SPOCK3: variants seen among roughly 807,000 people sequenced by gnomAD.
SPOCK3 encodes the protein SPARC (osteonectin), cwcv and kazal like domains proteoglycan 3.
In SPOCK3, 30 loss-of-function variants were observed where a neutral mutation model predicts 56.6. That is an observed-to-expected ratio of 0.53 (90% CI 0.40 to 0.72). The LOEUF is 0.72. SPOCK3 is among the 30% of genes least tolerant of loss of function. SPOCK3 has a pLI of 0.00. For synonymous variants in SPOCK3, 196 were observed against 183.3 expected, an observed-to-expected ratio of 1.07 and a Z score of -0.56; for missense variants, 527 against 530.0, an observed-to-expected ratio of 0.99 and a Z score of 0.06.
intron 2 of SPOCK3, among the ~76,000 whole-genome samples, chr4:167,091,384 G>A (rs1029024237): frequency 2.0e-5 from 3 of 152,018 alleles, no homozygotes; most frequent in Non-Finnish European, 2.9e-5. Flanking sequence ...ATGGAATTAC[G>A]ACACTACAAA....
At chr4:166,843,398 A>C (rs1747707526) in intron 6 of SPOCK3, among the ~76,000 whole-genome samples, 1 of 152,242 alleles carries the variant, frequency 6.6e-6, no homozygotes, top group African/African-American at 2.4e-5. Flanking sequence ...AGATGCAATT[A>C]AGTCTCTAAT....
intron 2 of SPOCK3, among the ~76,000 whole-genome samples, chr4:167,146,256 G>A (rs1014557003): frequency 1.3e-5 from 2 of 152,002 alleles, no homozygotes; most frequent in Admixed American, 1.3e-4. Context: ...AACAAGAAGA[G>A]GTAATTTTTG....
chr4:166,805,333 C>G (rs2126704367), intron 6 of SPOCK3, among the ~76,000 whole-genome samples: 1 of 152,086 alleles, frequency 6.6e-6, no homozygotes, highest in South Asian at 2.1e-4. Flanking sequence ...TTGTAAATAT[C>G]CAGAAAATAT....
intron 3 of SPOCK3, among the ~76,000 whole-genome samples, chr4:167,029,115 T>C (rs1196193480): frequency 6.6e-6 from 1 of 152,020 alleles, no homozygotes; most frequent in Non-Finnish European, 1.5e-5. Flanking sequence ...TTAACCGCCA[T>C]GAGTCCATGT....
chr4:166,952,435 G>T (rs1261629700), intron 4 of SPOCK3, among the ~76,000 whole-genome samples: 1 of 152,078 alleles, frequency 6.6e-6, no homozygotes, highest in Non-Finnish European at 1.5e-5. Flanking sequence ...AATAAAAGAG[G>T]ATACAAACGA....
chr4:166,916,572 T>C (rs932494950), intron 4 of SPOCK3, among the ~76,000 whole-genome samples: 2 of 152,218 alleles, frequency 1.3e-5, no homozygotes, highest in African/African-American at 4.8e-5. Context: ...CAAAATAATT[T>C]GAACAAAACT....
intron 2 of SPOCK3, among the ~76,000 whole-genome samples, chr4:167,144,080 T>C (rs1223454157): frequency 2.6e-5 from 4 of 152,046 alleles, no homozygotes; most frequent in Non-Finnish European, 5.9e-5. Context: ...CAGAACATTA[T>C]TTGCTACTAC....
At chr4:167,195,789 C>A (rs1732887497) in intron 2 of SPOCK3, among the ~76,000 whole-genome samples, 1 of 152,164 alleles carries the variant, frequency 6.6e-6, no homozygotes, top group Non-Finnish European at 1.5e-5. Flanking sequence ...GAAGCTCTGC[C>A]ACCTGGGTGC....
chr4:166,906,369 C>A (rs1413244537), intron 5 of SPOCK3, among the ~76,000 whole-genome samples: 1 of 151,526 alleles, frequency 6.6e-6, no homozygotes, highest in South Asian at 2.1e-4. Flanking sequence ...GGGTTTTTGC[C>A]ATGTTGCCAA....
chr4:167,143,798 A>T lies in SPOCK3; in HGVS notation c.190-81261T>A, dbSNP rs80051609. 5.6e-3 allele frequency among the ~76,000 whole-genome samples: 854 copies of T among 152,132 alleles called. 6 individuals carry two copies. The highest frequency in any genetic ancestry group is 0.019 in the African/African-American group (795 of 41,552). On this transcript the variant is annotated intron_variant, in intron 2 of 10. Transcript: ENST00000357545. Reference sequence around the variant, plus strand: ...CAAAACTTCAATGTGAAACAGGCCAAATACTTTAAATAAACATTTAGCTTA... The same window carrying T: ...CAAAACTTCAATGTGAAACAGGCCATATACTTTAAATAAACATTTAGCTTA...
At chr4:167,048,578 T>A (rs1392155180) in intron 3 of SPOCK3, among the ~76,000 whole-genome samples, 1 of 152,132 alleles carries the variant, frequency 6.6e-6, no homozygotes, top group Admixed American at 6.5e-5. Context: ...AAAAACGTAT[T>A]TTCAGCTAAC....
At chr4:166,831,283 C>T (rs1321598566) in intron 6 of SPOCK3, among the ~76,000 whole-genome samples, 1 of 152,032 alleles carries the variant, frequency 6.6e-6, no homozygotes, top group Non-Finnish European at 1.5e-5. Flanking sequence ...AAGAGTTAAC[C>T]TCATAAGGGG....
intron 2 of SPOCK3, among the ~76,000 whole-genome samples, chr4:167,187,706 T>A (rs1194862122): frequency 2.6e-5 from 4 of 152,152 alleles, no homozygotes; most frequent in Non-Finnish European, 5.9e-5. Context: ...TTTATATATA[T>A]CTTATGATTA....
chr4:167,120,397 T>G (rs1012185890), intron 2 of SPOCK3, among the ~76,000 whole-genome samples: 1 of 152,066 alleles, frequency 6.6e-6, no homozygotes, highest in Non-Finnish European at 1.5e-5. Flanking sequence ...ATTATAATTT[T>G]AGACATTATA....
intron 5 of SPOCK3, among the ~76,000 whole-genome samples, chr4:166,904,798 T>G (rs1736435837): frequency 6.6e-6 from 1 of 152,064 alleles, no homozygotes; most frequent in Admixed American, 6.6e-5. Context: ...TTTGAAGAGT[T>G]GAAATATATA....
chr4:167,130,452 T>C (rs1350595212), intron 2 of SPOCK3, among the ~76,000 whole-genome samples: 1 of 152,056 alleles, frequency 6.6e-6, no homozygotes, highest in Non-Finnish European at 1.5e-5. Flanking sequence ...AACAAAGAAG[T>C]CAAGCCATTA....
In SPOCK3 at chr4:167,086,727, A is replaced by G. The variant is rs146270064; in HGVS notation, c.190-24190T>C. Reference sequence around the variant, plus strand: ...AAAATATTCACTTTCTACTTCTGCTATATTATATAAATATCTACTTTACTC... The same window carrying G: ...AAAATATTCACTTTCTACTTCTGCTGTATTATATAAATATCTACTTTACTC... On this transcript the variant is annotated intron_variant, in intron 2 of 10. Transcript: ENST00000357545. Among the ~76,000 whole-genome samples the G allele has an allele frequency of 1.4e-4, 22 of 152,182 alleles. No individual in the cohort carries two copies. The East Asian group carries it at 3.9e-3, about 27-fold the overall frequency.
intron 6 of SPOCK3, among the ~76,000 whole-genome samples, chr4:166,867,387 T>A (rs892876801): frequency 2.0e-5 from 3 of 151,804 alleles, no homozygotes; most frequent in African/African-American, 7.3e-5. Context: ...AAAAAGAAAA[T>A]GTTATTTAAA....
At position 166,800,183 on chromosome 4, in the gene SPOCK3, G is replaced by GAAAAAAAAAAAAAA. The variant is rs367811359; in HGVS notation, c.590-7908_590-7895dup. On this transcript the variant is annotated intron_variant, in intron 6 of 10. Transcript: ENST00000357545. Reference sequence around the variant, plus strand: ...GGCGACAGAGAGAGACTCCATCTCAGAAAAAAAAAAAAAAAAAAAAAAATG... The same window carrying GAAAAAAAAAAAAAA: ...GGCGACAGAGAGAGACTCCATCTCAGAAAAAAAAAAAAAAAAAAAAAAAAAAAAAAAAAAAAATG... 2.7e-4 allele frequency among the ~76,000 whole-genome samples: 14 copies of GAAAAAAAAAAAAAA among 51,770 alleles called. 1 individual carries two copies. Among genetic ancestry groups the GAAAAAAAAAAAAAA allele is most frequent in the Non-Finnish European group, 3.2e-4 (9 of 27,984 alleles). 34.0% of individuals were successfully genotyped at this position (51,770 alleles called of 152,430 possible).
Sources: gnomAD v4.1 joint callset for allele counts (sites outside exome capture counted in the v4.1 genomes callset) on GRCh38, gnomAD v4.1.1 for gene constraint, MANE v1.5 for transcripts, NCBI Gene and HGNC (gene_info 2026-07-23, HGNC 2026-07-21) for gene names.